CANX: variants seen among roughly 807,000 people sequenced by gnomAD.
CANX encodes epididymis secretory sperm binding protein.
In CANX, 14 loss-of-function variants were observed where a neutral mutation model predicts 75.7. The observed-to-expected ratio is 0.19, with a 90% CI of 0.12 to 0.29. The LOEUF (loss-of-function observed/expected upper bound fraction) is 0.29. Ranked by LOEUF, CANX falls within the 10% of genes least tolerant of loss-of-function variation. The pLI, the probability that CANX is intolerant of heterozygous loss-of-function variation, is 1.00. For synonymous variants in CANX, 227 were observed against 236.9 expected (o/e 0.96, Z 0.38); for missense variants, 567 against 713.2 (o/e 0.79, Z 2.34).
chr5:179,708,136 C>G, intron 4 of CANX, 103 bp from the exon 5 acceptor site: 2 of 921,914 alleles, frequency 2.2e-6, no homozygotes, highest in South Asian at 1.5e-5. Context: ...CCACGGCTGC[C>G]CCAGTATAAT....
At chr5:179,709,329 G>T (rs995166996) in intron 6 of CANX, among the ~76,000 whole-genome samples, 1 of 151,978 alleles carries the variant, frequency 6.6e-6, no homozygotes, top group African/African-American at 2.4e-5. Context: ...CAGGAGAATG[G>T]CATGAACCTG....
In CANX at chr5:179,684,609, A is replaced by G. The variant is rs1341251318; in HGVS notation, c.-4+5832A>G. 1.1e-4 allele frequency among the ~76,000 whole-genome samples: 17 copies of G among 151,564 alleles called. No homozygotes were observed. The East Asian group carries it at 2.7e-3, about 24-fold the overall frequency. On this transcript the variant is annotated intron_variant, in intron 1 of 14. Coordinates refer to the CANX transcript ENST00000681674. ...CCCACCTCGGCCTCCCAAAGTGCTG[A>G]GATTACAGGCTTGAGCCACCGTGCC...
upstream of CANX, chr5:179,698,444 G>C: frequency 7.8e-7 from 1 of 1,285,974 alleles, no homozygotes; most frequent in Non-Finnish European, 1.0e-6. Context: ...CCAGGCGCTC[G>C]CGCTGGGTTC....
chr5:179,698,546 GC>G, upstream of CANX: 2 of 1,289,420 alleles, frequency 1.6e-6, no homozygotes, highest in Non-Finnish European at 2.0e-6. Flanking sequence ...GCTGCCGTTT[GC>G]CCCGTCAGCG....
rs975006182 is a variant in CANX at position 179,678,686 on chromosome 5, A to T, written c.-95A>T. 7 of 1,536,142 alleles carry T rather than the reference A, an allele frequency of 4.6e-6. No individual in the cohort carries two copies. In the South Asian group the frequency reaches 8.3e-5, roughly 18 times the overall value. ...CCCGGCGCGCGCCGCAGCCGTCGGG[A>T]TCACCTCGGGGTTGCGCTGCTTCTC... On this transcript the variant is annotated 5_prime_UTR_variant, in exon 1 of 15. Coordinates refer to the CANX transcript ENST00000681674.
intron 4 of CANX, 95 bp from the exon 5 acceptor site, chr5:179,708,144 A>G (rs1384314818): frequency 1.0e-6 from 1 of 993,004 alleles, no homozygotes; most frequent in African/African-American, 1.6e-5. Context: ...GCCCCAGTAT[A>G]ATATATTTAT....
chr5:179,699,750 T>C lies in CANX; in HGVS notation c.-4+648T>C, dbSNP rs2113084365. 2.6e-5 allele frequency: 4 copies of C among 152,374 alleles called. No homozygotes were observed. The South Asian group carries it at 8.3e-4, about 32-fold the overall frequency. 9.4% of individuals were successfully genotyped at this position (152,374 alleles called of 1,614,324 possible). A position where few individuals can be genotyped will look rare whatever the true frequency, so the allele number is the denominator to read the frequency against. On this transcript the variant is annotated intron_variant, in intron 1 of 14. Coordinates refer to ENST00000247461, the MANE Select transcript of CANX (RefSeq NM_001746.4). ...CGAAAGCTCATCTAAGTGCATCTCTTTCCACACCGGAGGCCTGGAGGTATG... is the reference window on the plus strand; with the variant it reads ...CGAAAGCTCATCTAAGTGCATCTCTCTCCACACCGGAGGCCTGGAGGTATG...
At chr5:179,714,674 C>T (rs1232230304) in intron 7 of CANX, among the ~76,000 whole-genome samples, 2 of 152,072 alleles carry the variant, frequency 1.3e-5, no homozygotes, top group Admixed American at 6.6e-5. Context: ...CCCACCACCA[C>T]GCTGGGCTAA....
At chr5:179,710,160 C>A in intron 7 of CANX, 95 bp downstream of exon 7, 4 of 752,788 alleles carry the variant, frequency 5.3e-6, no homozygotes, top group Non-Finnish European at 8.5e-6. Context: ...CTGTGGCTCA[C>A]GCCTGTAATC....
intron 11 of CANX, 69 bp from the exon 12 acceptor site, chr5:179,723,591 G>C: frequency 6.4e-7 from 1 of 1,568,074 alleles, no homozygotes; most frequent in Non-Finnish European, 8.7e-7. Flanking sequence ...CTGAACTGCA[G>C]AAAAACAGCA....
intron 14 of CANX, 117 bp downstream of exon 14, chr5:179,726,876 CA>C: frequency 1.5e-6 from 1 of 685,010 alleles, no homozygotes; most frequent in Non-Finnish European, 2.6e-6. Flanking sequence ...CTGTTAAAGC[CA>C]ATTTTGTTGA....
chr5:179,729,859 C>T lies in CANX; in HGVS notation c.*1215C>T, dbSNP rs1778893300. 2.0e-5 allele frequency: 3 copies of T among 152,592 alleles called. No homozygotes were observed. The highest frequency in any genetic ancestry group is 2.0e-4 in the Admixed American group (3 of 15,270). The allele number at this position is 152,592 out of a possible 1,614,324, so 9.5% of individuals were successfully genotyped here. ...CTAGAAGTATTTGTGGGAGGAGTGA[C>T]ATGAAGCATGAGTTATCTGATTTTT... On this transcript the variant is annotated 3_prime_UTR_variant, in exon 15 of 15. Coordinates refer to ENST00000247461, the MANE Select transcript of CANX (RefSeq NM_001746.4).
upstream of CANX, among the ~76,000 whole-genome samples, chr5:179,695,311 G>A (rs968384334): frequency 2.0e-5 from 3 of 150,916 alleles, no homozygotes; most frequent in Non-Finnish European, 4.4e-5. Flanking sequence ...CACCCGCCTC[G>A]GCTTCCCAAA....
intron 3 of CANX, among the ~76,000 whole-genome samples, chr5:179,706,607 TA>T (rs1777156920): frequency 6.6e-6 from 1 of 151,892 alleles, no homozygotes; most frequent in Admixed American, 6.6e-5. Context: ...CCATGCTGGC[TA>T]ATTTGTGTGT....
At chr5:179,694,806 G>C (rs976348055), upstream of CANX, 1 of 514,630 alleles carries the variant, frequency 1.9e-6, no homozygotes, top group Non-Finnish European at 3.5e-6. Flanking sequence ...AAAGTAAATG[G>C]ATAAAAATGT....
intron 7 of CANX, among the ~76,000 whole-genome samples, chr5:179,712,487 T>A (rs1270413907): frequency 6.6e-6 from 1 of 152,114 alleles, no homozygotes; most frequent in Non-Finnish European, 1.5e-5. Context: ...TGTGTGATCT[T>A]GGCTCACCAC....
At chr5:179,722,735 C>T (rs535589454) in intron 10 of CANX, 69 bp from the exon 11 acceptor site, 92 of 1,042,174 alleles carry the variant, frequency 8.8e-5, no homozygotes, top group South Asian at 3.5e-4. Flanking sequence ...ATTTCTCTTA[C>T]GGTAGATTCA....
chr5:179,721,237 G>A (rs889999249), intron 10 of CANX, among the ~76,000 whole-genome samples: 2 of 151,476 alleles, frequency 1.3e-5, no homozygotes, highest in Admixed American at 1.3e-4. Context: ...TCACAGGTGT[G>A]CTCACCTCAC....
chr5:179,719,282 A>C (rs1310584987), intron 8 of CANX, among the ~76,000 whole-genome samples: 1 of 151,952 alleles, frequency 6.6e-6, no homozygotes, highest in African/African-American at 2.4e-5. Context: ...TGTTTTTATG[A>C]GTCTTTTTTA....
Sources: gnomAD v4.1 joint callset for allele counts (sites outside exome capture counted in the v4.1 genomes callset) on GRCh38, gnomAD v4.1.1 for gene constraint, MANE v1.5 for transcripts, NCBI Gene and HGNC (gene_info 2026-07-23, HGNC 2026-07-21) for gene names.